Variants in CCSER1 observed in about 807,000 individuals in gnomAD.
CCSER1 encodes serine-rich coiled-coil domain-containing protein 1.
In CCSER1, 41 loss-of-function variants were observed where a neutral mutation model predicts 82.0. The ratio of observed to expected loss-of-function variants is 0.50; its 90% CI spans 0.39 to 0.65. The LOEUF is 0.65. CCSER1 is among the 30% of genes least tolerant of loss of function. The pLI, the probability that CCSER1 is intolerant of heterozygous loss-of-function variation, is 0.00. For missense variants in CCSER1, 1,119 were observed against 1,064.2 expected (o/e 1.05, Z -0.72); for synonymous variants, 414 against 383.9 (o/e 1.08, Z -0.92).
At chr4:90,608,219 C>A (rs531089785) in intron 5 of CCSER1, among the ~76,000 whole-genome samples, 1 of 152,106 alleles carries the variant, frequency 6.6e-6, no homozygotes, top group East Asian at 1.9e-4. Context: ...TATTAGGGTC[C>A]CACAAGGCTA....
intron 8 of CCSER1, among the ~76,000 whole-genome samples, chr4:90,880,270 CCTT>C (rs1721101943): frequency 1.3e-5 from 2 of 152,122 alleles, no homozygotes; most frequent in African/African-American, 2.4e-5. Flanking sequence ...GAGGAAGGAA[CCTT>C]AGTAGTAGTT....
rs897105241 is a variant in CCSER1, at chr4:90,499,453, T to A, written c.1724+31099T>A. Among the ~76,000 whole-genome samples the A allele has an allele frequency of 3.3e-5, 5 of 152,324 alleles. No individual in the cohort carries two copies. The East Asian group carries it at 9.6e-4, about 29-fold the overall frequency. On this transcript the variant is annotated intron_variant, in intron 5 of 10. Transcript: ENST00000509176. ...CAAAAACTGTGCATGTGTAATGAAA[T>A]TTGGGACACTAGTTAATGGTGCTTG...
intron 10 of CCSER1, among the ~76,000 whole-genome samples, chr4:91,367,712 T>A (rs1310657672): frequency 6.6e-6 from 1 of 152,168 alleles, no homozygotes; most frequent in African/African-American, 2.4e-5. Context: ...CTTTCCTCTC[T>A]CAATACTACC....
chr4:91,273,072 A>G (rs368240064), intron 10 of CCSER1, among the ~76,000 whole-genome samples: 101 of 151,872 alleles, frequency 6.7e-4, no homozygotes, highest in African/African-American at 2.3e-3. Flanking sequence ...TGCTTTGGCT[A>G]TGCTGGCTCT....
At chr4:90,777,747 G>T (rs1445693240) in intron 7 of CCSER1, among the ~76,000 whole-genome samples, 1 of 151,948 alleles carries the variant, frequency 6.6e-6, no homozygotes, top group Non-Finnish European at 1.5e-5. Context: ...TCAGCGTATT[G>T]TACATGTGTT....
chr4:90,875,330 G>T (rs1767061858), intron 8 of CCSER1, among the ~76,000 whole-genome samples: 1 of 152,062 alleles, frequency 6.6e-6, no homozygotes, highest in South Asian at 2.1e-4. Context: ...TGAGCCTCAT[G>T]GTTAATGACA....
intron 5 of CCSER1, among the ~76,000 whole-genome samples, chr4:90,524,298 A>G (rs1406560960): frequency 1.3e-5 from 2 of 152,216 alleles, no homozygotes; most frequent in Admixed American, 1.3e-4. Flanking sequence ...GCAGGGAGAT[A>G]AGACTTAAAT....
At chr4:91,512,927 CTTCTT>C (rs1759907095) in intron 10 of CCSER1, among the ~76,000 whole-genome samples, 1 of 152,028 alleles carries the variant, frequency 6.6e-6, no homozygotes, top group African/African-American at 2.4e-5. Context: ...AGTTTGACTT[CTTCTT>C]TTCTTATTTG....
At chr4:91,325,907 G>C (rs1164284189) in intron 10 of CCSER1, among the ~76,000 whole-genome samples, 1 of 151,960 alleles carries the variant, frequency 6.6e-6, no homozygotes, top group Non-Finnish European at 1.5e-5. Context: ...TTTCTTCATT[G>C]ATTAGAACTT....
rs374642920 is a variant in CCSER1, at chr4:91,133,794, G to C, written c.2217+47800G>C. Among the ~76,000 whole-genome samples, 494 of 152,236 alleles carry C rather than the reference G, an allele frequency of 3.2e-3. 1 individual carries two copies. Among genetic ancestry groups the C allele is most frequent in the African/African-American group, 0.011 (469 of 41,540 alleles). ...AATGAAAGTTTAAGATAAGCCTGAA[G>C]TATTTTGTTTTATAAAGTAGTGCTT... On this transcript the variant is annotated intron_variant, in intron 10 of 10. Transcript: ENST00000509176.
At chr4:91,481,772 G>A (rs1757928070) in intron 10 of CCSER1, among the ~76,000 whole-genome samples, 1 of 152,214 alleles carries the variant, frequency 6.6e-6, no homozygotes, top group African/African-American at 2.4e-5. Flanking sequence ...TGGCCCAGGT[G>A]GAGGATCTAA....
At chr4:90,886,899 G>A (rs1016854656) in intron 8 of CCSER1, among the ~76,000 whole-genome samples, 1 of 152,134 alleles carries the variant, frequency 6.6e-6, no homozygotes. Flanking sequence ...GCATTCTCCA[G>A]CCAAATTATT....
chr4:90,634,774 T>A (rs1431764745), intron 6 of CCSER1, among the ~76,000 whole-genome samples: 1 of 151,896 alleles, frequency 6.6e-6, no homozygotes, highest in Non-Finnish European at 1.5e-5. Flanking sequence ...ATCAGAATTC[T>A]CTTTATACTT....
At chr4:91,532,814 G>A (rs953847010) in intron 10 of CCSER1, among the ~76,000 whole-genome samples, 1 of 151,424 alleles carries the variant, frequency 6.6e-6, no homozygotes, top group African/African-American at 2.4e-5. Flanking sequence ...AGGTTGCAGT[G>A]AGCCAAGATC....
intron 10 of CCSER1, among the ~76,000 whole-genome samples, chr4:91,170,667 T>C (rs1312693757): frequency 6.6e-6 from 1 of 152,206 alleles, no homozygotes; most frequent in East Asian, 1.9e-4. Flanking sequence ...TCATTTTTAG[T>C]AGAAACTCAT....
chr4:90,644,436 T>G (rs1727119486), intron 6 of CCSER1, among the ~76,000 whole-genome samples: 1 of 152,188 alleles, frequency 6.6e-6, no homozygotes, highest in African/African-American at 2.4e-5. Flanking sequence ...ATTTTTGGAT[T>G]AGGGTTGCTC....
At chr4:90,411,006 A>G (rs1191490316) in intron 4 of CCSER1, among the ~76,000 whole-genome samples, 1 of 152,212 alleles carries the variant, frequency 6.6e-6, no homozygotes, top group Non-Finnish European at 1.5e-5. Context: ...CCTCTACACA[A>G]ATAAACTAGA....
At chr4:90,596,687 A>G (rs1349718343) in intron 5 of CCSER1, among the ~76,000 whole-genome samples, 1 of 151,738 alleles carries the variant, frequency 6.6e-6, no homozygotes, top group Non-Finnish European at 1.5e-5. Context: ...ATATCTCTGT[A>G]AAAGTAATTG....
At chr4:91,177,498 C>G (rs1281194322) in intron 10 of CCSER1, among the ~76,000 whole-genome samples, 1 of 152,116 alleles carries the variant, frequency 6.6e-6, no homozygotes, top group East Asian at 1.9e-4. Context: ...AATTTCAGAG[C>G]CTGTTATTGG....
Sources: gnomAD v4.1 joint callset for allele counts (sites outside exome capture counted in the v4.1 genomes callset) on GRCh38, gnomAD v4.1.1 for gene constraint, MANE v1.5 for transcripts, NCBI Gene and HGNC (gene_info 2026-07-23, HGNC 2026-07-21) for gene names.